The following PRMT3 variants were observed in gnomAD, a reference collection of about 807,000 sequenced individuals.
The protein encoded by PRMT3 is protein arginine N-methyltransferase 3.
A neutral mutation model predicts 71.9 loss-of-function variants in PRMT3; 62 were observed. The ratio of observed to expected loss-of-function variants is 0.86; its 90% CI spans 0.70 to 1.07. The LOEUF is 1.07. PRMT3 is among the 50% of genes least tolerant of loss of function. PRMT3 has a pLI of 0.00. For missense variants in PRMT3, 663 were observed against 643.0 expected (o/e 1.03, Z -0.34); for synonymous variants, 213 against 220.4 (o/e 0.97, Z 0.30).
intron 13 of PRMT3, among the ~76,000 whole-genome samples, chr11:20,469,463 T>C (rs553943577): frequency 6.6e-6 from 1 of 152,346 alleles, no homozygotes; most frequent in East Asian, 1.9e-4. Context: ...ATGCTTATTA[T>C]AGAACAAATG....
rs551803091 is a variant in PRMT3, at chr11:20,392,128, A to T, written c.248-83A>T. 22 of 1,324,778 alleles carry T rather than the reference A, an allele frequency of 1.7e-5. No homozygotes were observed. In the Admixed American group the frequency reaches 4.0e-4, roughly 24 times the overall value. 82.1% of individuals were successfully genotyped at this position (1,324,778 alleles called of 1,614,324 possible). A position where few individuals can be genotyped will look rare whatever the true frequency, so the allele number is the denominator to read the frequency against. On this transcript the variant is annotated intron_variant, in intron 3 of 15. Transcript: ENST00000331079. ...AGAGGTCAGAATTATTTTATTGTTTAATCAGAGAAGGCTTTATAGAATAGG... is the reference window on the plus strand; with the variant it reads ...AGAGGTCAGAATTATTTTATTGTTTTATCAGAGAAGGCTTTATAGAATAGG...
At chr11:20,416,164 T>C (rs1484338944) in intron 9 of PRMT3, among the ~76,000 whole-genome samples, 1 of 152,166 alleles carries the variant, frequency 6.6e-6, no homozygotes, top group African/African-American at 2.4e-5. Context: ...TGTCTTTGCC[T>C]CCCACCACTC....
chr11:20,441,135 G>A (rs2133372386), intron 10 of PRMT3, among the ~76,000 whole-genome samples: 1 of 151,588 alleles, frequency 6.6e-6, no homozygotes, highest in Non-Finnish European at 1.5e-5. Flanking sequence ...TTTACTTTCT[G>A]GTACTAGAAG....
At chr11:20,396,113 G>A (rs1161543984) in intron 6 of PRMT3, 151 bp downstream of exon 6, 22 of 654,524 alleles carry the variant, frequency 3.4e-5, no homozygotes, top group Non-Finnish European at 5.2e-5. Context: ...TAGCATTTTT[G>A]TACACTATGG....
intron 10 of PRMT3, among the ~76,000 whole-genome samples, chr11:20,427,677 G>C (rs1849576313): frequency 6.6e-6 from 1 of 151,984 alleles, no homozygotes; most frequent in Non-Finnish European, 1.5e-5. Flanking sequence ...AGTGAGCCAG[G>C]ATCACGCCAC....
intron 10 of PRMT3, 132 bp from the exon 11 acceptor site, chr11:20,451,998 C>T: frequency 1.9e-6 from 1 of 539,990 alleles, no homozygotes; most frequent in Non-Finnish European, 2.9e-6. Flanking sequence ...TCAGATTTTG[C>T]AGAATATTAT....
intron 13 of PRMT3, among the ~76,000 whole-genome samples, chr11:20,476,999 G>T (rs527967640): frequency 2.6e-5 from 4 of 152,138 alleles, no homozygotes; most frequent in African/African-American, 4.8e-5. Flanking sequence ...GCTAGCTAGC[G>T]GGAGGGGTCG....
At chr11:20,501,150 A>G (rs1240149952) in intron 15 of PRMT3, among the ~76,000 whole-genome samples, 2 of 152,178 alleles carry the variant, frequency 1.3e-5, no homozygotes, top group East Asian at 1.9e-4. Flanking sequence ...TTTCTGTAAA[A>G]TTTAAATGTC....
At chr11:20,437,877 C>T (rs1393278545) in intron 10 of PRMT3, among the ~76,000 whole-genome samples, 2 of 152,010 alleles carry the variant, frequency 1.3e-5, no homozygotes, top group Admixed American at 1.3e-4. Context: ...GCGTGAGCCA[C>T]TGCGCCCGGC....
chr11:20,474,588 C>CA (rs1461249514), intron 13 of PRMT3, among the ~76,000 whole-genome samples: 3 of 152,166 alleles, frequency 2.0e-5, no homozygotes, highest in Admixed American at 6.5e-5. Context: ...GTGTGGCTTA[C>CA]AAAGGGATCT....
rs558908494 is a variant in PRMT3, at chr11:20,488,767, T to C, written c.1348-5152T>C. Among the ~76,000 whole-genome samples, 3 of 152,292 alleles carry C rather than the reference T, an allele frequency of 2.0e-5. No homozygotes were observed. In the East Asian group the frequency reaches 5.8e-4, roughly 29 times the overall value. The stretch of plus-strand genomic sequence containing the variant: ...ACAATGTGTCCTCTTTAAAGAAATA[T>C]TCATCACACTAAAATACCTGAGAAA... On this transcript the variant is annotated intron_variant, in intron 13 of 15. Coordinates refer to ENST00000331079, the MANE Select transcript of PRMT3 (RefSeq NM_005788.4).
Position 20,462,070 on chromosome 11 carries a change from G to T in PRMT3, c.1163G>T (p.Gly388Val). The T allele has an allele frequency of 6.2e-7, 1 of 1,613,236 alleles. No individual in the cohort carries two copies. The highest frequency in any genetic ancestry group is 1.7e-5 in the Admixed American group (1 of 60,024). Residue 388 changes from glycine (G) to valine (V), a missense_variant, in exon 12 of 16, where the codon GGC (glycine) becomes GTC (valine). Coordinates refer to ENST00000331079, the MANE Select transcript of PRMT3 (RefSeq NM_005788.4). Reference protein sequence around the residue: ...DRIAFWDDVYGFKMSCMKKAV... With the variant: ...DRIAFWDDVYVFKMSCMKKAV... Reference sequence around the variant, plus strand: ...ATTGCTTTTTGGGATGATGTCTATGGCTTCAAGATGTCCTGCATGAAGAAA... The same window carrying T: ...ATTGCTTTTTGGGATGATGTCTATGTCTTCAAGATGTCCTGCATGAAGAAA...
At chr11:20,427,371 A>C (rs1849569727) in intron 10 of PRMT3, among the ~76,000 whole-genome samples, 1 of 152,230 alleles carries the variant, frequency 6.6e-6, no homozygotes. Flanking sequence ...ACATAGCTTT[A>C]TAATTTGCTG....
rs559971086 is a variant in PRMT3, at chr11:20,464,427, T to G, written c.1261-33T>G. Reference sequence around the variant, plus strand: ...TTTTTTTTTTTTGGACTATTTTTACTAAGCTCTTTCTTCACTTCTTTTTAA... The same window carrying G: ...TTTTTTTTTTTTGGACTATTTTTACGAAGCTCTTTCTTCACTTCTTTTTAA... On this transcript the variant is annotated intron_variant, in intron 12 of 15. Coordinates refer to ENST00000331079, the MANE Select transcript of PRMT3 (RefSeq NM_005788.4). 2.0e-6 allele frequency: 3 copies of G among 1,527,718 alleles called. No homozygotes were observed. In the Admixed American group the frequency reaches 6.7e-5, roughly 34 times the overall value. 94.6% of individuals were successfully genotyped at this position (1,527,718 alleles called of 1,614,324 possible).
intron 10 of PRMT3, among the ~76,000 whole-genome samples, chr11:20,431,177 A>G (rs2133358285): frequency 6.6e-6 from 1 of 152,226 alleles, no homozygotes; most frequent in East Asian, 1.9e-4. Context: ...AACGTTCCCA[A>G]ACAGAAATTC....
At chr11:20,467,181 T>C (rs1425420144) in intron 13 of PRMT3, among the ~76,000 whole-genome samples, 3 of 152,196 alleles carry the variant, frequency 2.0e-5, no homozygotes. Context: ...TTTTAGTAGT[T>C]AGCATTGAAT....
chr11:20,503,103 A>C (rs1264910907), intron 15 of PRMT3, among the ~76,000 whole-genome samples: 1 of 152,180 alleles, frequency 6.6e-6, no homozygotes, highest in East Asian at 1.9e-4. Context: ...ACACAAAGAC[A>C]CTGCTTTAAT....
At chr11:20,492,530 A>G (rs1176675599) in intron 13 of PRMT3, among the ~76,000 whole-genome samples, 1 of 152,182 alleles carries the variant, frequency 6.6e-6, no homozygotes, top group Non-Finnish European at 1.5e-5. Flanking sequence ...ACCCTACCAG[A>G]TCAATAAAAT....
intron 9 of PRMT3, among the ~76,000 whole-genome samples, chr11:20,417,298 G>A (rs946508478): frequency 1.8e-4 from 28 of 152,132 alleles, no homozygotes; most frequent in African/African-American, 5.8e-4. Context: ...TGTATACTTC[G>A]ATGACATATT....
Sources: allele counts gnomAD v4.1 joint callset (sites outside exome capture counted in the v4.1 genomes callset), GRCh38; gene constraint gnomAD v4.1.1; transcripts MANE v1.5; gene names NCBI Gene and HGNC (gene_info 2026-07-23, HGNC 2026-07-21).